The following TSPAN18 variants were observed in gnomAD, a reference collection of about 807,000 sequenced individuals.
The protein encoded by TSPAN18 is tetraspanin-18.
In TSPAN18, 14 loss-of-function variants were observed where a neutral mutation model predicts 27.3. That is an observed-to-expected ratio of 0.51 (90% confidence interval 0.34 to 0.80). TSPAN18 has a LOEUF of 0.80. Ranked by LOEUF, TSPAN18 falls within the 30% of genes least tolerant of loss-of-function variation. The pLI, the probability that TSPAN18 is intolerant of heterozygous loss-of-function variation, is 0.01. For missense variants in TSPAN18, 268 were observed against 323.9 expected, an observed-to-expected ratio of 0.83 and a Z score of 1.32; for synonymous variants, 143 against 136.5, an observed-to-expected ratio of 1.05 and a Z score of -0.33.
At chr11:44,783,605 G>T (rs569396976) in intron 2 of TSPAN18, among the ~76,000 whole-genome samples, 1 of 152,008 alleles carries the variant, frequency 6.6e-6, no homozygotes, top group Admixed American at 6.6e-5. Context: ...CACCATGTTG[G>T]CCAGGCTGGT....
intron 2 of TSPAN18, among the ~76,000 whole-genome samples, chr11:44,817,276 G>C (rs1464849187): frequency 6.6e-6 from 1 of 152,218 alleles, no homozygotes; most frequent in East Asian, 1.9e-4. Context: ...ATTTATATTG[G>C]TTATCACCAA....
At chr11:44,883,934 ATGAGT>A (rs112952074) in intron 3 of TSPAN18, among the ~76,000 whole-genome samples, 3 of 147,876 alleles carry the variant, frequency 2.0e-5, no homozygotes, top group East Asian at 2.2e-4. Flanking sequence ...TGAAAATTAA[ATGAGT>A]TAACAGATGC....
At chr11:44,896,211 C>T (rs538855230) in intron 3 of TSPAN18, among the ~76,000 whole-genome samples, 1 of 152,160 alleles carries the variant, frequency 6.6e-6, no homozygotes, top group Admixed American at 6.5e-5. Flanking sequence ...TGGTAGCCTG[C>T]CTCGTGGGCT....
chr11:44,728,425 G>A (rs1047826213), intron 1 of TSPAN18, among the ~76,000 whole-genome samples: 3 of 152,172 alleles, frequency 2.0e-5, no homozygotes, highest in Non-Finnish European at 4.4e-5. Context: ...TGTAAAAGTT[G>A]CACCTTTGTT....
chr11:44,852,265 C>A (rs1857625299), intron 2 of TSPAN18, among the ~76,000 whole-genome samples: 1 of 152,148 alleles, frequency 6.6e-6, no homozygotes, highest in African/African-American at 2.4e-5. Context: ...ATTAAAGAGG[C>A]CTTGGTGAAG....
chr11:44,817,471 C>T (rs1856839174), intron 2 of TSPAN18, among the ~76,000 whole-genome samples: 1 of 152,216 alleles, frequency 6.6e-6, no homozygotes, highest in Admixed American at 6.5e-5. Context: ...CTTGGGCCAG[C>T]AGCTGCCTGG....
intron 3 of TSPAN18, among the ~76,000 whole-genome samples, chr11:44,865,013 T>G (rs1487898472): frequency 6.6e-6 from 1 of 152,196 alleles, no homozygotes; most frequent in East Asian, 1.9e-4. Flanking sequence ...GGAATCGGTG[T>G]TGTCCCAGCC....
At chr11:44,778,304 C>T (rs530543995) in intron 2 of TSPAN18, among the ~76,000 whole-genome samples, 1 of 151,958 alleles carries the variant, frequency 6.6e-6, no homozygotes, top group Admixed American at 6.5e-5. Flanking sequence ...GAGTTTCTCC[C>T]TCATCTCCCC....
intron 3 of TSPAN18, among the ~76,000 whole-genome samples, chr11:44,902,829 G>A (rs2135316222): frequency 6.6e-6 from 1 of 152,296 alleles, no homozygotes; most frequent in East Asian, 1.9e-4. Context: ...CCAGGAGAGG[G>A]TACAACAGAG....
At chr11:44,903,699 A>C (rs1365816602) in intron 3 of TSPAN18, 1 of 455,322 alleles carries the variant, frequency 2.2e-6, no homozygotes, top group Non-Finnish European at 4.4e-6. Flanking sequence ...TTTACCTCCA[A>C]AGGCAGATGG....
intron 8 of TSPAN18, among the ~76,000 whole-genome samples, chr11:44,922,967 G>C (rs1860199293): frequency 6.6e-6 from 1 of 152,170 alleles, no homozygotes; most frequent in Non-Finnish European, 1.5e-5. Context: ...AAATTAGCCT[G>C]GCGTGGTGGC....
intron 2 of TSPAN18, among the ~76,000 whole-genome samples, chr11:44,815,433 A>G (rs1856800569): frequency 6.6e-6 from 1 of 151,968 alleles, no homozygotes; most frequent in South Asian, 2.1e-4. Context: ...TGTGGGCCGG[A>G]TGGGGGCACC....
chr11:44,822,455 A>C lies in TSPAN18; in HGVS notation c.-152-37873A>C, dbSNP rs146509536. Reference sequence around the variant, plus strand: ...TTCCATTTTCAACATGTGGCTTCCAAGGTCATTATGGAAGAAGGAAGGAGT... The same window carrying C: ...TTCCATTTTCAACATGTGGCTTCCACGGTCATTATGGAAGAAGGAAGGAGT... On this transcript the variant is annotated intron_variant, in intron 2 of 9. Coordinates refer to ENST00000520358, the MANE Select transcript of TSPAN18 (RefSeq NM_130783.5). Among the ~76,000 whole-genome samples the C allele has an allele frequency of 1.9e-3, 296 of 152,134 alleles. 2 individuals carry two copies. Among genetic ancestry groups the C allele is most frequent in the Non-Finnish European group, 3.1e-3 (208 of 67,966 alleles).
chr11:44,821,019 C>T (rs1856916930), intron 2 of TSPAN18, among the ~76,000 whole-genome samples: 1 of 152,182 alleles, frequency 6.6e-6, no homozygotes, highest in Non-Finnish European at 1.5e-5. Flanking sequence ...TACCCAGTCT[C>T]AGGTATTCCT....
At chr11:44,728,031 G>T (rs929585818) in intron 1 of TSPAN18, among the ~76,000 whole-genome samples, 4 of 152,324 alleles carry the variant, frequency 2.6e-5, no homozygotes, top group African/African-American at 9.6e-5. Context: ...CACTGCCCCG[G>T]CCCTCGCCAG....
At chr11:44,749,729 C>T (rs1007050019) in intron 1 of TSPAN18, among the ~76,000 whole-genome samples, 7 of 151,008 alleles carry the variant, frequency 4.6e-5, no homozygotes, top group South Asian at 2.1e-4. Flanking sequence ...CTCTGCCTCC[C>T]GGGTTCACAC....
intron 2 of TSPAN18, among the ~76,000 whole-genome samples, chr11:44,765,246 C>T (rs1300288306): frequency 1.3e-4 from 20 of 152,174 alleles, no homozygotes; most frequent in Admixed American, 1.1e-3. Flanking sequence ...CCAGCACTCA[C>T]GCCCTCCATT....
At chr11:44,770,340 C>G (rs1855663644) in intron 2 of TSPAN18, among the ~76,000 whole-genome samples, 1 of 151,984 alleles carries the variant, frequency 6.6e-6, no homozygotes, top group Non-Finnish European at 1.5e-5. Flanking sequence ...CCTTCCTAAT[C>G]AGATGTAATT....
At chr11:44,747,190 A>T (rs555771853) in intron 1 of TSPAN18, among the ~76,000 whole-genome samples, 9 of 152,374 alleles carry the variant, frequency 5.9e-5, no homozygotes, top group African/African-American at 2.2e-4. Context: ...GCTGGCACCT[A>T]GGAACATGCC....
Sources: gnomAD v4.1 joint callset for allele counts (sites outside exome capture counted in the v4.1 genomes callset) on GRCh38, gnomAD v4.1.1 for gene constraint, MANE v1.5 for transcripts, NCBI Gene and HGNC (gene_info 2026-07-23, HGNC 2026-07-21) for gene names.